CXADR: variants seen among roughly 807,000 people sequenced by gnomAD.
The protein encoded by CXADR is CXADR cell adhesion molecule.
In CXADR, 20 loss-of-function variants were observed where a neutral mutation model predicts 40.3. The ratio of observed to expected loss-of-function variants is 0.50; its 90% confidence interval spans 0.35 to 0.72. The LOEUF (loss-of-function observed/expected upper bound fraction) is 0.72, where lower values mean the gene tolerates loss of function less well. Ranked by LOEUF, CXADR falls within the 30% of genes least tolerant of loss-of-function variation. The pLI is 0.01. For synonymous variants in CXADR, 150 were observed against 161.3 expected (o/e 0.93, Z 0.53); for missense variants, 332 against 449.1 (o/e 0.74, Z 2.36).
chr21:17,572,842 C>T (rs1365049614), downstream of CXADR, among the ~76,000 whole-genome samples: 8 of 152,104 alleles, frequency 5.3e-5, no homozygotes, highest in East Asian at 9.6e-4. Context: ...AGGTGATCTG[C>T]GAAAATACCG....
At chr21:17,521,920 A>G (rs2060535552) in intron 1 of CXADR, among the ~76,000 whole-genome samples, 1 of 152,170 alleles carries the variant, frequency 6.6e-6, no homozygotes, top group Non-Finnish European at 1.5e-5. Context: ...CTGTTATCCC[A>G]TCTATTATAT....
chr21:17,574,064 G>C (rs2249704), downstream of CXADR, among the ~76,000 whole-genome samples: 130,404 of 152,238 alleles, frequency 0.86, 55,934 homozygotes, highest in South Asian at 0.9. Context: ...TACATTTTAA[G>C]TTATTCACAA....
downstream of CXADR, among the ~76,000 whole-genome samples, chr21:17,595,799 AAT>A (rs1461391885): frequency 6.6e-6 from 1 of 152,044 alleles, no homozygotes; most frequent in Non-Finnish European, 1.5e-5. Flanking sequence ...GTAAATATTT[AAT>A]ACTTAGGAGT....
intron 7 of CXADR, among the ~76,000 whole-genome samples, chr21:17,589,984 CTAA>C (rs2123403554): frequency 6.6e-6 from 1 of 152,108 alleles, no homozygotes; most frequent in Admixed American, 6.6e-5. Context: ...GGTCATAACA[CTAA>C]TATTATACAC....
the CXADR span, among the ~76,000 whole-genome samples, chr21:17,604,581 C>A: frequency 6.6e-6 from 1 of 152,156 alleles, no homozygotes; most frequent in Non-Finnish European, 1.5e-5. Context: ...AGACACCTAG[C>A]GGAATCTAGG....
At chr21:17,634,314 T>C in the CXADR span, among the ~76,000 whole-genome samples, 12 of 152,334 alleles carry the variant, frequency 7.9e-5, 1 homozygote, top group South Asian at 2.5e-3. Context: ...CATTCTATCA[T>C]AGCTAAAAGA....
intron 7 of CXADR, among the ~76,000 whole-genome samples, chr21:17,577,242 C>T (rs1196854517): frequency 1.3e-5 from 2 of 152,076 alleles, no homozygotes; most frequent in African/African-American, 4.8e-5. Flanking sequence ...ATCATCAAAA[C>T]CTGTCTGTCC....
chr21:17,604,714 A>G, the CXADR span: 3 of 1,049,820 alleles, frequency 2.9e-6, no homozygotes, highest in South Asian at 6.6e-5. Context: ...TCACCTCCAG[A>G]AAAGTATTTC....
chr21:17,568,190 G>A lies in CXADR; in HGVS notation c.*2498G>A, dbSNP rs376532055. On this transcript the variant is annotated 3_prime_UTR_variant, in exon 7 of 7. Transcript: ENST00000284878. ...GTCACCCAGGCTGGAGTGCAGTGGC[G>A]GGATCTCGGCTCACTGCAAGCTCCG... 1.7e-4 allele frequency: 164 copies of A among 965,728 alleles called. No homozygotes were observed. Among genetic ancestry groups the A allele is most frequent in the East Asian group, 9.3e-4 (8 of 8,564 alleles). The allele number at this position is 965,728 out of a possible 1,614,324, so 59.8% of individuals were successfully genotyped here.
intron 6 of CXADR, among the ~76,000 whole-genome samples, chr21:17,563,614 A>G (rs1056329981): frequency 2.0e-5 from 3 of 152,114 alleles, no homozygotes; most frequent in Non-Finnish European, 2.9e-5. Context: ...CCAAAATGCA[A>G]CACAGACATG....
chr21:17,515,991 A>C (rs1018496278), intron 1 of CXADR, among the ~76,000 whole-genome samples: 1 of 152,164 alleles, frequency 6.6e-6, no homozygotes, highest in African/African-American at 2.4e-5. Context: ...CTTTCGATGC[A>C]TTTTTATTGG....
At chr21:17,541,994 A>G (rs764980469) in intron 1 of CXADR, 11 of 358,810 alleles carry the variant, frequency 3.1e-5, no homozygotes, top group South Asian at 2.5e-4. Context: ...TTCAGCACCA[A>G]TTTTCAATAT....
intron 1 of CXADR, among the ~76,000 whole-genome samples, chr21:17,524,423 G>C (rs79039638): frequency 6.6e-6 from 1 of 151,448 alleles, no homozygotes; most frequent in African/African-American, 2.4e-5. Context: ...TCAGCTGGGC[G>C]TGGTGGTGTG....
chr21:17,566,950 A>AC lies in CXADR; in HGVS notation c.*1258_*1259insC, dbSNP rs2061217072. ...TTTGTGAAGGTGATTTATTCTTAAAAAAAAAAAAGAAAGAAAAAGAAAAAA... is the reference window on the plus strand; with the variant it reads ...TTTGTGAAGGTGATTTATTCTTAAAACAAAAAAAAGAAAGAAAAAGAAAAAA... On this transcript the variant is annotated 3_prime_UTR_variant, in exon 7 of 7. Transcript: ENST00000284878. 1.0e-6 allele frequency: 1 copy of AC among 980,022 alleles called. No homozygotes were observed. The highest frequency in any genetic ancestry group is 1.2e-6 in the Non-Finnish European group (1 of 825,428). The allele number at this position is 980,022 out of a possible 1,614,324, so 60.7% of individuals were successfully genotyped here. A position where few individuals can be genotyped will look rare whatever the true frequency, so the allele number is the denominator to read the frequency against.
intron 1 of CXADR, among the ~76,000 whole-genome samples, chr21:17,527,832 G>A (rs1001119536): frequency 2.0e-5 from 3 of 150,596 alleles, no homozygotes; most frequent in Non-Finnish European, 4.4e-5. Context: ...TTTTTAATGA[G>A]ACGGAATCTC....
rs200113750 is a variant in CXADR, at chr21:17,534,101, T to TATA, written c.44-12926_44-12925insATA. Among the ~76,000 whole-genome samples the TATA allele has an allele frequency of 2.7e-3, 151 of 56,648 alleles. 1 individual carries two copies. Among genetic ancestry groups the TATA allele is most frequent in the African/African-American group, 0.011 (119 of 10,362 alleles). The allele number at this position is 56,648 out of a possible 152,430, so 37.2% of individuals were successfully genotyped here. A position where few individuals can be genotyped will look rare whatever the true frequency, so the allele number is the denominator to read the frequency against. On this transcript the variant is annotated intron_variant, in intron 1 of 6. Coordinates refer to ENST00000284878, the MANE Select transcript of CXADR (RefSeq NM_001338.5). Reference sequence around the variant, plus strand: ...ACACACATATATATATATATATATATTTTTTTTTTTTTTTTTTTTTTTTTG... The same window carrying TATA: ...ACACACATATATATATATATATATATATATTTTTTTTTTTTTTTTTTTTTTTTG...
chr21:17,629,311 C>T, the CXADR span, among the ~76,000 whole-genome samples: 1,132 of 144,082 alleles, frequency 7.9e-3, 22 homozygotes, highest in African/African-American at 0.028. Context: ...ACCTGGGAGG[C>T]GGAGAGTGCA....
chr21:17,603,868 A>G, the CXADR span, among the ~76,000 whole-genome samples: 17 of 152,304 alleles, frequency 1.1e-4, no homozygotes, highest in East Asian at 1.3e-3. Flanking sequence ...CTACCACTGC[A>G]TTTTGTACAC....
downstream of CXADR, among the ~76,000 whole-genome samples, chr21:17,596,255 G>C (rs2061502720): frequency 6.6e-6 from 1 of 151,896 alleles, no homozygotes; most frequent in Admixed American, 6.6e-5. Context: ...TTTTCTTAAT[G>C]GTTTCTTTGA....
Sources: gnomAD v4.1 joint callset for allele counts (sites outside exome capture counted in the v4.1 genomes callset) on GRCh38, gnomAD v4.1.1 for gene constraint, MANE v1.5 for transcripts, NCBI Gene and HGNC (gene_info 2026-07-23, HGNC 2026-07-21) for gene names.